Variants in PRRC2A observed in about 807,000 individuals in gnomAD.
The protein encoded by PRRC2A is proline rich coiled-coil 2A.
A neutral mutation model predicts 224.6 loss-of-function variants in PRRC2A; 59 were observed. That is an observed-to-expected ratio of 0.26 (90% confidence interval 0.21 to 0.33). The LOEUF (loss-of-function observed/expected upper bound fraction) is 0.33, where lower values mean the gene tolerates loss of function less well. PRRC2A is among the 10% of genes least tolerant of loss of function. PRRC2A has a pLI of 1.00. For synonymous variants in PRRC2A, 1,194 were observed against 1,109.5 expected (o/e 1.08, Z -1.51); for missense variants, 3,095 against 2,880.7 (o/e 1.07, Z -1.70).
At chr6:31,626,922 A>T (rs1479575745) in intron 10 of PRRC2A, 60 bp downstream of exon 10, 24 of 1,612,510 alleles carry the variant, frequency 1.5e-5, no homozygotes, top group Non-Finnish European at 1.7e-5. Context: ...TTGGTAATAT[A>T]CTCTTAGAGG....
Position 31,629,731 on chromosome 6 carries a change from A to G in PRRC2A, c.2140A>G (p.Met714Val), listed in dbSNP as rs746566590. The G allele has an allele frequency of 4.1e-6, 6 of 1,479,164 alleles. No homozygotes were observed. The highest frequency in any genetic ancestry group is 1.5e-5 in the African/African-American group (1 of 65,416). 91.6% of individuals were successfully genotyped at this position (1,479,164 alleles called of 1,614,324 possible). ...YPGALGRPPP[M>V]PPMNFDPRWM... ...AGGTGCTCTGGGCCGGCCCCCACCCATGCCCCCAATGAACTTTGATCCCCG... is the reference window on the plus strand; with the variant it reads ...AGGTGCTCTGGGCCGGCCCCCACCCGTGCCCCCAATGAACTTTGATCCCCG... The change falls in exon 14 of 31, where the codon ATG becomes GTG. Residue 714 changes from methionine to valine, a missense_variant. Met to Val is a conservative substitution (Grantham distance 21, BLOSUM62 1). Around this residue, in one of 8 missense-constraint regions of PRRC2A, gnomAD observed 2,001 missense variants for 1,764.9 expected, o/e 1.13. Transcript: ENST00000376033.
In PRRC2A at chr6:31,631,836, C is replaced by T. The variant is rs147316101; in HGVS notation, c.3163C>T (p.Arg1055Cys). 7.2e-5 allele frequency: 116 copies of T among 1,600,900 alleles called. No homozygotes were observed. The highest frequency in any genetic ancestry group is 8.5e-5 in the Admixed American group (5 of 58,608). ...RGRGARSREF[R>C]SYREFRGDDG... ...GCGGGGAGCCCGAAGCCGGGAATTCCGCAGTTACCGAGAGTTTCGAGGAGA... is the reference window on the plus strand; with the variant it reads ...GCGGGGAGCCCGAAGCCGGGAATTCTGCAGTTACCGAGAGTTTCGAGGAGA... Residue 1055 changes from arginine (R) to cysteine (C), a missense_variant, in exon 16 of 31, where the codon CGC (arginine) becomes TGC (cysteine). Transcript: ENST00000376033. The surrounding 1 kb of genome is among the most constrained non-coding windows in gnomAD (Gnocchi z 4.5).
Position 31,633,895 on chromosome 6 carries a change from G to GGGT in PRRC2A, c.4628_4630dup (p.Val1543dup). The GGGT allele has an allele frequency of 1.3e-6, 2 of 1,581,912 alleles. No homozygotes were observed. Among genetic ancestry groups the GGGT allele is most frequent in the Middle Eastern group, 3.4e-4 (2 of 5,904 alleles). ...GAGGAGCCGGGGCCAATGGTGAGAG[G>GGGT]GGTGGGTGGGACTCCTCGGGACTCT... On this transcript the variant is annotated inframe_insertion, in exon 18 of 31. Transcript: ENST00000376033.
Position 31,632,202 on chromosome 6 carries a change from C to T in PRRC2A, c.3529C>T (p.Pro1177Ser), listed in dbSNP as rs368527679. Residue 1177 changes from proline (P) to serine (S), a missense_variant, in exon 16 of 31, where the codon CCC becomes TCC. Physicochemically the swap from Pro to Ser is moderately conservative, Grantham distance 74. Coordinates refer to ENST00000376033, the MANE Select transcript of PRRC2A (RefSeq NM_004638.4). ...TCGCCGGGGCCGAGGAGGAGGGAGG[C>T]CCCCTCCTCAAGTTTGCCCAGGCTG... ...PSRRGRGGGRPPPQVCPGWSP... is the reference protein window; with the variant it reads ...PSRRGRGGGRSPPQVCPGWSP... The T allele has an allele frequency of 3.5e-5, 56 of 1,606,352 alleles. No individual in the cohort carries two copies. The highest frequency in any genetic ancestry group is 4.6e-5 in the Non-Finnish European group (54 of 1,177,324).
At position 31,636,625 on chromosome 6, in the gene PRRC2A, C is replaced by A; in HGVS notation, c.5934+17C>A. Reference sequence around the variant, plus strand: ...GCCCAGCAGGTATATTGTATCTTCACACTTCCCCTTCATTTGATTTCTCTG... The same window carrying A: ...GCCCAGCAGGTATATTGTATCTTCAAACTTCCCCTTCATTTGATTTCTCTG... On this transcript the variant is annotated intron_variant, in intron 27 of 30. Transcript: ENST00000376033. This position sits in a 1 kb window ranked among gnomAD's most constrained non-coding sequence, Gnocchi z 4.3. The A allele has an allele frequency of 1.3e-6, 2 of 1,590,136 alleles. No individual in the cohort carries two copies. The highest frequency in any genetic ancestry group is 1.7e-6 in the Non-Finnish European group (2 of 1,165,182).
chr6:31,632,660 C>T lies in PRRC2A; in HGVS notation c.3987C>T (p.Asp1329=), dbSNP rs1331042968. ...GGGAGACTGCATCAGAGAGCAGTGA[C>T]TTCACCAGTGAGCGCCGAGGGGACA... The part of the protein sequence containing the change: ...EEWETASESS[D]FTSERRGDKE... Residue 1329 remains aspartate, a synonymous_variant, in exon 16 of 31, where the codon GAC becomes GAT. Transcript: ENST00000376033. 6.2e-7 allele frequency: 1 copy of T among 1,613,124 alleles called. No homozygotes were observed. Among genetic ancestry groups the T allele is most frequent in the Non-Finnish European group, 8.5e-7 (1 of 1,180,042 alleles).
In PRRC2A at chr6:31,625,775, G is replaced by T. The variant is rs973030364; in HGVS notation, c.760-17G>T. 3.2e-6 allele frequency: 5 copies of T among 1,563,844 alleles called. No individual in the cohort carries two copies. In the Admixed American group the frequency reaches 6.7e-5, roughly 21 times the overall value. On this transcript the variant is annotated splice_polypyrimidine_tract_variant and intron_variant, in intron 7 of 30. Coordinates refer to ENST00000376033, the MANE Select transcript of PRRC2A (RefSeq NM_004638.4). The surrounding 1 kb of genome is among the most constrained non-coding windows in gnomAD (Gnocchi z 4.1). Reference sequence around the variant, plus strand: ...ATGACTGTCCCTCTGAGCAGCTACTGTTGGACCCTTTTACAGATGTATCCC... The same window carrying T: ...ATGACTGTCCCTCTGAGCAGCTACTTTTGGACCCTTTTACAGATGTATCCC...
At position 31,627,255 on chromosome 6, in the gene PRRC2A, G is replaced by A; in HGVS notation, c.1290+57G>A. On this transcript the variant is annotated intron_variant, in intron 11 of 30. Coordinates refer to ENST00000376033, the MANE Select transcript of PRRC2A (RefSeq NM_004638.4). This position sits in a 1 kb window ranked among gnomAD's most constrained non-coding sequence, Gnocchi z 5.6. ...CAGCTGTGGGAAATTGGTGTCAGCT[G>A]AGTAATTGAAGCGGTTGTGATATAG... The A allele has an allele frequency of 7.7e-7, 1 of 1,297,616 alleles. No individual in the cohort carries two copies. Among genetic ancestry groups the A allele is most frequent in the South Asian group, 1.3e-5 (1 of 79,142 alleles). The allele number at this position is 1,297,616 out of a possible 1,614,324, so 80.4% of individuals were successfully genotyped here. A position where few individuals can be genotyped will look rare whatever the true frequency, so the allele number is the denominator to read the frequency against.
At position 31,621,738 on chromosome 6, in the gene PRRC2A, C is replaced by T. The variant is rs60177141; in HGVS notation, c.-101+880C>T. ...GTCTGGATTTCCCTGCTTTCTTCCC[C>T]ACTATTTCTCATCTCTTTACACTGT... On this transcript the variant is annotated intron_variant, in intron 1 of 30. Transcript: ENST00000376033. Among the ~76,000 whole-genome samples, 158 of 152,312 alleles carry T rather than the reference C, an allele frequency of 1.0e-3. 3 individuals are homozygous for T. The East Asian group carries it at 0.03, about 29-fold the overall frequency.
At position 31,626,967 on chromosome 6, in the gene PRRC2A, TTGA is replaced by T; in HGVS notation, c.1074-13_1074-11del. 6.2e-7 allele frequency: 1 copy of T among 1,614,144 alleles called. No individual in the cohort carries two copies. Among genetic ancestry groups the T allele is most frequent in the Non-Finnish European group, 8.5e-7 (1 of 1,179,990 alleles). On this transcript the variant is annotated splice_polypyrimidine_tract_variant and intron_variant, in intron 10 of 30. Coordinates refer to ENST00000376033, the MANE Select transcript of PRRC2A (RefSeq NM_004638.4). The stretch of plus-strand genomic sequence containing the variant: ...GTTGCAGCTGATTTTAATTTCACTG[TTGA>T]TCTGCTCACAGCAGGGATTCCCAAT...
chr6:31,622,602 C>T, intron 1 of PRRC2A, 88 bp from the exon 2 acceptor site: 1 of 552,950 alleles, frequency 1.8e-6, no homozygotes. Context: ...TTTACATAGA[C>T]TGGAGGAAAA....
chr6:31,631,203 A>C lies in PRRC2A; in HGVS notation c.2530A>C (p.Asn844His). The change falls in exon 16 of 31, where the codon AAT becomes CAT. Residue 844 changes from asparagine to histidine, a missense_variant. By Grantham distance (68) the Asn-to-His change is moderately conservative (BLOSUM62 1). Coordinates refer to ENST00000376033, the MANE Select transcript of PRRC2A (RefSeq NM_004638.4). The surrounding 1 kb of genome is among the most constrained non-coding windows in gnomAD (Gnocchi z 4.5). The part of the protein sequence containing the change: ...YLASYPGFPE[N>H]GAPGPPISRF... ...GGCCAGTTATCCAGGCTTTCCTGAG[A>C]ATGGAGCCCCTGGGCCCCCAATCTC... The C allele has an allele frequency of 1.3e-6, 2 of 1,599,388 alleles. No individual in the cohort carries two copies. The highest frequency in any genetic ancestry group is 1.7e-6 in the Non-Finnish European group (2 of 1,173,666).
chr6:31,636,182 G>T lies in PRRC2A; in HGVS notation c.5625-27G>T, dbSNP rs1361078577. ...TTGCTAGGACTCTGGCTTCCTAACA[G>T]CTTTTCTCCCCACAATTTATTTTCA... On this transcript the variant is annotated intron_variant, in intron 25 of 30. Transcript: ENST00000376033. The surrounding 1 kb of genome is among the most constrained non-coding windows in gnomAD (Gnocchi z 4.3). The T allele has an allele frequency of 6.2e-7, 1 of 1,602,692 alleles. No homozygotes were observed. The highest frequency in any genetic ancestry group is 1.3e-5 in the African/African-American group (1 of 74,636).
At chr6:31,622,282 A>G (rs1330408589) in intron 1 of PRRC2A, among the ~76,000 whole-genome samples, 1 of 152,254 alleles carries the variant, frequency 6.6e-6, no homozygotes, top group East Asian at 1.9e-4. Context: ...GCTTGTGTCC[A>G]ATAAACAGGG....
chr6:31,628,303 A>G, intron 12 of PRRC2A, 64 bp downstream of exon 12: 7 of 1,526,614 alleles, frequency 4.6e-6, no homozygotes, highest in East Asian at 2.3e-5. Context: ...TTAAAGGTGC[A>G]GGGTGGTAAG....
rs1424723020 is a variant in PRRC2A, at chr6:31,635,567, G to A, written c.5374-15G>A. 11 of 1,610,988 alleles carry A rather than the reference G, an allele frequency of 6.8e-6. No individual in the cohort carries two copies. Among genetic ancestry groups the A allele is most frequent in the Non-Finnish European group, 9.3e-6 (11 of 1,178,578 alleles). ...GATGCCAGACATCCCTCTCCACGAG[G>A]CCTCTCCTTCCCAGGCCATTCCTGT... On this transcript the variant is annotated splice_polypyrimidine_tract_variant and intron_variant, in intron 23 of 30. Coordinates refer to ENST00000376033, the MANE Select transcript of PRRC2A (RefSeq NM_004638.4).
chr6:31,621,847 G>A (rs1323084417), intron 1 of PRRC2A, among the ~76,000 whole-genome samples: 1 of 152,174 alleles, frequency 6.6e-6, no homozygotes, highest in Non-Finnish European at 1.5e-5. Context: ...TGGAGGTATC[G>A]AGTAAAGAAA....
rs769397663 is a variant in PRRC2A at position 31,631,252 on chromosome 6, G to T, written c.2579G>T (p.Gly860Val). ...TCTCGCTTTCCTCTGGAGGAACCAG[G>T]GCCCCGTCCACTCCCCTGGCCCCCA... ...PISRFPLEEP[G>V]PRPLPWPPGS... The change falls in exon 16 of 31, where the codon GGG becomes GTG. Residue 860 changes from glycine (G) to valine (V), a missense_variant. This residue lies in a region of PRRC2A where 2,001 missense variants were observed against 1,764.9 expected (regional missense o/e 1.13). Transcript: ENST00000376033. This position sits in a 1 kb window ranked among gnomAD's most constrained non-coding sequence, Gnocchi z 4.5. 3.1e-6 allele frequency: 5 copies of T among 1,612,110 alleles called. No homozygotes were observed. The highest frequency in any genetic ancestry group is 1.1e-5 in the South Asian group (1 of 90,966).
Position 31,631,891 on chromosome 6 carries a change from C to CA in PRRC2A, c.3221dup (p.Asn1074LysfsTer22). The CA allele has an allele frequency of 6.2e-7, 1 of 1,611,296 alleles. No individual in the cohort carries two copies. Among genetic ancestry groups the CA allele is most frequent in the Non-Finnish European group, 8.5e-7 (1 of 1,179,364 alleles). On this transcript the variant is annotated frameshift_variant, in exon 16 of 31. Coordinates refer to ENST00000376033, the MANE Select transcript of PRRC2A (RefSeq NM_004638.4). LOFTEE classifies it high-confidence loss of function. This position sits in a 1 kb window ranked among gnomAD's most constrained non-coding sequence, Gnocchi z 4.5. ...GGGCGTGGAGGTGGGACAGGGGGACCAAACCACCCTCCTGCTCCCCGAGGC... is the reference window on the plus strand; with the variant it reads ...GGGCGTGGAGGTGGGACAGGGGGACCAAAACCACCCTCCTGCTCCCCGAGGC...
Sources: allele counts gnomAD v4.1 joint callset (sites outside exome capture counted in the v4.1 genomes callset), GRCh38; gene constraint gnomAD v4.1.1; regional missense constraint gnomAD v4.1.1; non-coding constraint Gnocchi (gnomAD v3.1); transcripts MANE v1.5; gene names NCBI Gene and HGNC (gene_info 2026-07-23, HGNC 2026-07-21).